Variants in FYB1 observed in about 807,000 individuals in gnomAD.
FYB1 encodes FYN binding protein 1.
FYB1 carries 41 observed loss-of-function variants against 94.1 expected under a neutral mutation model. That is an observed-to-expected ratio of 0.44 (90% confidence interval 0.34 to 0.57). The LOEUF (loss-of-function observed/expected upper bound fraction) is 0.57. FYB1 is among the 20% of genes least tolerant of loss of function. The pLI, the probability that FYB1 is intolerant of heterozygous loss-of-function variation, is 0.02. For missense variants in FYB1, 1,050 were observed against 976.8 expected (o/e 1.07, Z -1.00); for synonymous variants, 367 against 353.2 (o/e 1.04, Z -0.44).
intron 1 of FYB1, among the ~76,000 whole-genome samples, chr5:39,239,579 A>T (rs550102745): frequency 1.3e-5 from 2 of 152,300 alleles, no homozygotes; most frequent in East Asian, 3.9e-4. Flanking sequence ...AAAAGAATAA[A>T]ATACCTAGGA....
intron 2 of FYB1, among the ~76,000 whole-genome samples, chr5:39,195,771 T>C (rs1747776881): frequency 6.6e-6 from 1 of 152,222 alleles, no homozygotes; most frequent in Admixed American, 6.5e-5. Flanking sequence ...AGGCCAGGGA[T>C]TCTTATGAAC....
chr5:39,149,508 A>G (rs990588871), intron 3 of FYB1, among the ~76,000 whole-genome samples: 4 of 152,300 alleles, frequency 2.6e-5, no homozygotes, highest in African/African-American at 9.6e-5. Flanking sequence ...TCCATCTTTA[A>G]AAAGGCTCTT....
rs142288982 is a variant in FYB1, at chr5:39,174,290, A to G, written c.1136-20686T>C. Among the ~76,000 whole-genome samples the G allele has an allele frequency of 1.9e-3, 290 of 152,308 alleles. 1 individual carries two copies. In the Middle Eastern group the frequency reaches 0.024, roughly 13 times the overall value. On this transcript the variant is annotated intron_variant, in intron 2 of 18. Coordinates refer to ENST00000512982, the MANE Select transcript of FYB1 (RefSeq NM_001465.6). ...ATAAAAATGCTACTGATTTCTGTAC[A>G]TAGAATCCCTTTTGGGCCTATCCTA...
At chr5:39,205,871 A>G (rs1276889086) in intron 1 of FYB1, among the ~76,000 whole-genome samples, 4 of 152,192 alleles carry the variant, frequency 2.6e-5, no homozygotes, top group African/African-American at 9.7e-5. Context: ...AACAGTACCT[A>G]TAGCTCACAG....
intron 1 of FYB1, among the ~76,000 whole-genome samples, chr5:39,229,845 G>C (rs12109526): frequency 1.3e-5 from 2 of 152,148 alleles, no homozygotes; most frequent in Non-Finnish European, 2.9e-5. Context: ...GATTCTAAAA[G>C]CTGGCTTCAC....
chr5:39,265,760 C>T (rs1752412983), intron 1 of FYB1, among the ~76,000 whole-genome samples: 1 of 152,212 alleles, frequency 6.6e-6, no homozygotes, highest in South Asian at 2.1e-4. Flanking sequence ...AACCACTACC[C>T]TAAGTGTAAC....
chr5:39,254,813 C>T (rs1188161205), intron 1 of FYB1, among the ~76,000 whole-genome samples: 2 of 152,076 alleles, frequency 1.3e-5, no homozygotes, highest in Non-Finnish European at 2.9e-5. Context: ...CACACCAAAT[C>T]AAGAGGGATT....
intron 1 of FYB1, among the ~76,000 whole-genome samples, chr5:39,259,849 T>A (rs1752141011): frequency 6.6e-6 from 1 of 152,092 alleles, no homozygotes; most frequent in Non-Finnish European, 1.5e-5. Context: ...AGAAATAGGA[T>A]AAAATCTGCA....
intron 13 of FYB1, 81 bp from the exon 14 acceptor site, chr5:39,122,483 A>G (rs1024095919): frequency 4.8e-6 from 4 of 838,080 alleles, no homozygotes; most frequent in Admixed American, 2.2e-5. Context: ...TTTTTAATAT[A>G]AAGATTGCTT....
chr5:39,111,198 C>A, intron 16 of FYB1, among the ~76,000 whole-genome samples: 1 of 152,026 alleles, frequency 6.6e-6, no homozygotes, highest in East Asian at 1.9e-4. Context: ...CTGCTGATAT[C>A]TAATTAATAT....
At chr5:39,221,059 G>C (rs540836057), upstream of FYB1, among the ~76,000 whole-genome samples, 3 of 152,090 alleles carry the variant, frequency 2.0e-5, no homozygotes, top group Non-Finnish European at 4.4e-5. Context: ...CTTTTTACCT[G>C]GCCCACAGCT....
chr5:39,110,422 T>A, intron 16 of FYB1, 33 bp from the exon 17 acceptor site: 1 of 1,440,472 alleles, frequency 6.9e-7, no homozygotes, highest in Non-Finnish European at 9.6e-7. Context: ...ATTGTATCAA[T>A]AATACAGGTT....
Position 39,134,361 on chromosome 5 carries a change from G to T in FYB1, c.1676-12C>A. The T allele has an allele frequency of 6.3e-7, 1 of 1,577,078 alleles. No individual in the cohort carries two copies. Among genetic ancestry groups the T allele is most frequent in the South Asian group, 1.1e-5 (1 of 88,044 alleles). On this transcript the variant is annotated splice_polypyrimidine_tract_variant and intron_variant, in intron 8 of 18. Coordinates refer to ENST00000512982, the MANE Select transcript of FYB1 (RefSeq NM_001465.6). ...TTTAATATAGCCATCTACCAAAAAG[G>T]GAAATATTTATGTTCAGGCAACTGT... is the stretch of plus-strand genomic sequence containing the variant.
In FYB1 at chr5:39,107,251, T is replaced by A. The variant is rs404122; in HGVS notation, c.*192A>T. On this transcript the variant is annotated 3_prime_UTR_variant, in exon 19 of 19. Coordinates refer to ENST00000512982, the MANE Select transcript of FYB1 (RefSeq NM_001465.6). ...CATCTCACTAATGTAGTCTTCTGAG[T>A]TAACAATTAAGCAGAGAGATTATTT... 290,434 of 388,254 alleles carry A rather than the reference T, an allele frequency of 0.75. 110,075 individuals are homozygous for A. Among genetic ancestry groups the A allele is most frequent in the South Asian group, 0.83 (9,121 of 10,966 alleles). The allele number at this position is 388,254 out of a possible 1,614,324, so 24.1% of individuals were successfully genotyped here. A position where few individuals can be genotyped will look rare whatever the true frequency, so the allele number is the denominator to read the frequency against.
intron 8 of FYB1, among the ~76,000 whole-genome samples, chr5:39,134,627 G>A (rs940036342): frequency 3.3e-5 from 5 of 152,184 alleles, no homozygotes; most frequent in South Asian, 2.1e-4. Context: ...AAAACCTAAT[G>A]CTGTTCGTTC....
At chr5:39,185,133 T>G (rs1746629043) in intron 2 of FYB1, among the ~76,000 whole-genome samples, 1 of 152,144 alleles carries the variant, frequency 6.6e-6, no homozygotes, top group African/African-American at 2.4e-5. Flanking sequence ...GAGTACTCAT[T>G]AGATCAAGTA....
chr5:39,245,855 C>A (rs1323862326), intron 1 of FYB1, among the ~76,000 whole-genome samples: 1 of 152,198 alleles, frequency 6.6e-6, no homozygotes, highest in East Asian at 1.9e-4. Context: ...CTGCCTTGGT[C>A]TCCCAAAGTG....
chr5:39,112,400 G>A (rs1739153750), intron 16 of FYB1, among the ~76,000 whole-genome samples: 1 of 151,946 alleles, frequency 6.6e-6, no homozygotes, highest in African/African-American at 2.4e-5. Context: ...TTTCAACACT[G>A]AAGTCAATCT....
chr5:39,230,258 G>A (rs555556033), intron 1 of FYB1, among the ~76,000 whole-genome samples: 1 of 152,342 alleles, frequency 6.6e-6, no homozygotes, highest in East Asian at 1.9e-4. Context: ...CAGATGGCAG[G>A]AAGGCCAGTG....
Sources: gnomAD v4.1 joint callset for allele counts (sites outside exome capture counted in the v4.1 genomes callset) on GRCh38, gnomAD v4.1.1 for gene constraint, MANE v1.5 for transcripts, NCBI Gene and HGNC (gene_info 2026-07-23, HGNC 2026-07-21) for gene names.